The following PLCE1 variants were observed in gnomAD, a reference collection of about 807,000 sequenced individuals.
PLCE1 encodes the protein phospholipase C epsilon 1.
A neutral mutation model predicts 242.8 loss-of-function variants in PLCE1; 119 were observed. That is an observed-to-expected ratio of 0.49 (90% CI 0.42 to 0.57). The LOEUF (loss-of-function observed/expected upper bound fraction) is 0.57. Ranked by LOEUF, PLCE1 falls within the 20% of genes least tolerant of loss-of-function variation. PLCE1 has a pLI of 0.00. For missense variants in PLCE1, 2,441 were observed against 2,788.8 expected (o/e 0.88, Z 2.81); for synonymous variants, 945 against 1,017.4 (o/e 0.93, Z 1.35).
At chr10:94,209,553 C>T (rs1357268716) in intron 4 of PLCE1, among the ~76,000 whole-genome samples, 1 of 152,134 alleles carries the variant, frequency 6.6e-6, no homozygotes, top group Non-Finnish European at 1.5e-5. Flanking sequence ...AATTTCTGAC[C>T]TCTTCCAGAA....
chr10:94,053,703 G>A (rs1174055952), intron 2 of PLCE1, among the ~76,000 whole-genome samples: 2 of 152,154 alleles, frequency 1.3e-5, no homozygotes, highest in Non-Finnish European at 2.9e-5. Flanking sequence ...TATCCTCGCA[G>A]CAGTTGAATA....
intron 1 of PLCE1, among the ~76,000 whole-genome samples, chr10:94,018,525 A>G (rs886875163): frequency 6.6e-6 from 1 of 152,152 alleles, no homozygotes; most frequent in Non-Finnish European, 1.5e-5. Flanking sequence ...TCTTCTACAG[A>G]CTATGACATT....
chr10:94,037,784 T>A (rs558655494), intron 2 of PLCE1, among the ~76,000 whole-genome samples: 11 of 152,204 alleles, frequency 7.2e-5, no homozygotes, highest in Non-Finnish European at 1.2e-4. Context: ...CCCCCGCATC[T>A]CTGTAGTTAT....
intron 3 of PLCE1, among the ~76,000 whole-genome samples, chr10:94,169,449 T>A (rs1181259345): frequency 6.6e-6 from 1 of 152,122 alleles, no homozygotes; most frequent in East Asian, 1.9e-4. Flanking sequence ...CAAAGGTAGA[T>A]TTAATCACAA....
chr10:94,199,035 G>A (rs1202802273), intron 4 of PLCE1, among the ~76,000 whole-genome samples: 1 of 152,180 alleles, frequency 6.6e-6, no homozygotes, highest in African/African-American at 2.4e-5. Flanking sequence ...CTGGGTGACA[G>A]TGAGACCCTG....
At chr10:94,042,395 C>A (rs974182891) in intron 2 of PLCE1, among the ~76,000 whole-genome samples, 1 of 152,176 alleles carries the variant, frequency 6.6e-6, no homozygotes, top group Non-Finnish European at 1.5e-5. Flanking sequence ...AGGTTAAACA[C>A]CCCCATTTCA....
At chr10:94,097,247 T>C (rs1336564754) in intron 2 of PLCE1, among the ~76,000 whole-genome samples, 1 of 152,206 alleles carries the variant, frequency 6.6e-6, no homozygotes, top group East Asian at 1.9e-4. Context: ...AAATTATCTT[T>C]GTAGGGAGAT....
chr10:94,288,086 T>C (rs1451379769), intron 22 of PLCE1, among the ~76,000 whole-genome samples: 1 of 152,194 alleles, frequency 6.6e-6, no homozygotes, highest in Non-Finnish European at 1.5e-5. Context: ...TTTTGAATTT[T>C]TTTATTTTGA....
intron 4 of PLCE1, among the ~76,000 whole-genome samples, chr10:94,194,854 G>T (rs1029449097): frequency 6.6e-6 from 1 of 152,188 alleles, no homozygotes; most frequent in Non-Finnish European, 1.5e-5. Context: ...AGCTTGTAAT[G>T]ATTTACTTTT....
intron 4 of PLCE1, among the ~76,000 whole-genome samples, chr10:94,179,470 A>G (rs1361650875): frequency 7.0e-6 from 1 of 143,558 alleles, no homozygotes; most frequent in Non-Finnish European, 1.5e-5. Flanking sequence ...CTCAAGCCAG[A>G]TACCTAACCC....
At chr10:94,034,227 A>C (rs1298844872) in intron 2 of PLCE1, among the ~76,000 whole-genome samples, 1 of 152,182 alleles carries the variant, frequency 6.6e-6, no homozygotes, top group East Asian at 1.9e-4. Flanking sequence ...CCCTTGACAC[A>C]TGGAGATTAT....
rs1034454180 is a variant in PLCE1, at chr10:94,000,107, G to A, written c.-365+5849G>A. Among the ~76,000 whole-genome samples, 13 of 152,270 alleles carry A rather than the reference G, an allele frequency of 8.5e-5. No individual in the cohort carries two copies. The East Asian group carries it at 2.3e-3, about 27-fold the overall frequency. The stretch of plus-strand genomic sequence containing the variant: ...TCTATCGTTTACTTCGGCTTTTACC[G>A]AGCAGTCCTGCTCTTATTTGTCTTA... On this transcript the variant is annotated intron_variant, in intron 1 of 32. Transcript: ENST00000371380.
chr10:94,281,373 A>C (rs1228322680), intron 20 of PLCE1, among the ~76,000 whole-genome samples: 1 of 152,172 alleles, frequency 6.6e-6, no homozygotes, highest in African/African-American at 2.4e-5. Flanking sequence ...TATACTGTAG[A>C]TTTCACATAA....
At chr10:94,042,198 A>G (rs1193713833) in intron 2 of PLCE1, among the ~76,000 whole-genome samples, 1 of 152,098 alleles carries the variant, frequency 6.6e-6, no homozygotes, top group Non-Finnish European at 1.5e-5. Flanking sequence ...TTGATTTGGA[A>G]TGAATCTTGT....
intron 2 of PLCE1, chr10:94,104,945 G>A (rs148480464): frequency 6.6e-6 from 1 of 152,186 alleles, no homozygotes; most frequent in Non-Finnish European, 1.5e-5. Context: ...TTCTCAAAAA[G>A]GAAGCAAATG....
chr10:94,036,147 A>G (rs774782217), intron 2 of PLCE1, among the ~76,000 whole-genome samples: 4 of 152,132 alleles, frequency 2.6e-5, no homozygotes, highest in Admixed American at 6.5e-5. Context: ...TTTTTTATAA[A>G]CTGAGAATAA....
Position 94,031,394 on chromosome 10 carries a change from C to A in PLCE1, c.348C>A (p.Gly116=), listed in dbSNP as rs374493261. 5.6e-5 allele frequency: 91 copies of A among 1,613,718 alleles called. No individual in the cohort carries two copies. Among genetic ancestry groups the A allele is most frequent in the Non-Finnish European group, 7.6e-5 (90 of 1,179,864 alleles). The change falls in exon 2 of 33, where the codon GGC becomes GGA. Residue 116 remains glycine, a synonymous_variant. Coordinates refer to ENST00000371380, the MANE Select transcript of PLCE1 (RefSeq NM_016341.4). ...CNNILRNHQH[G]LPQRQFYEMY... ...ACATATTGAGAAACCATCAGCATGG[C>A]CTTCCTCAGAGACAATTTTATGAAA...
chr10:94,262,579 T>C lies in PLCE1; in HGVS notation c.3900T>C (p.Asp1300=). 6.2e-7 allele frequency: 1 copy of C among 1,614,148 alleles called. No homozygotes were observed. Among genetic ancestry groups the C allele is most frequent in the East Asian group, 2.2e-5 (1 of 44,872 alleles). ...CGGACAACCAGAGGCAGATATCTGA[T>C]GCCATTGCTGCTGCAAGCATTGTGA... ...QLSDNQRQIS[D]AIAAASIVTN... is the part of the protein sequence containing the mutation. The change falls in exon 14 of 33, where the codon GAT becomes GAC. Residue 1300 remains aspartate, a synonymous_variant. Coordinates refer to ENST00000371380, the MANE Select transcript of PLCE1 (RefSeq NM_016341.4).
chr10:94,007,110 G>GA (rs35473890), intron 1 of PLCE1, among the ~76,000 whole-genome samples: 29,435 of 151,994 alleles, frequency 0.19, 3,561 homozygotes, highest in Non-Finnish European at 0.26. Flanking sequence ...GTTTCTAGGG[G>GA]AAAAAAGAGG....
Sources: allele counts gnomAD v4.1 joint callset (sites outside exome capture counted in the v4.1 genomes callset), GRCh38; gene constraint gnomAD v4.1.1; transcripts MANE v1.5; gene names NCBI Gene and HGNC (gene_info 2026-07-23, HGNC 2026-07-21).